The following CRACDL variants were observed in gnomAD, a reference collection of about 807,000 sequenced individuals.
CRACDL encodes the protein CRACD-like protein.
A neutral mutation model predicts 70.6 loss-of-function variants in CRACDL; 26 were observed. The observed-to-expected ratio is 0.37, with a 90% CI of 0.27 to 0.51. CRACDL has a LOEUF of 0.51. Among genes scored for constraint, CRACDL ranks in the 20% least tolerant of loss-of-function variants. The probability of loss-of-function intolerance (pLI) is 0.94; values close to 1 mark genes in which losing one functional copy is unlikely to be tolerated. For synonymous variants in CRACDL, 618 were observed against 615.2 expected, an observed-to-expected ratio of 1.00 and a Z score of -0.07; for missense variants, 1,283 against 1,376.9, an observed-to-expected ratio of 0.93 and a Z score of 1.08.
intron 1 of CRACDL, among the ~76,000 whole-genome samples, chr2:98,880,951 T>C (rs1186639947): frequency 6.6e-6 from 1 of 152,166 alleles, no homozygotes; most frequent in Admixed American, 6.5e-5. Flanking sequence ...CCCTTTTTAA[T>C]AGCTTGAGGG....
intron 1 of CRACDL, among the ~76,000 whole-genome samples, chr2:98,863,127 G>T (rs908712910): frequency 2.0e-5 from 3 of 152,050 alleles, no homozygotes; most frequent in Non-Finnish European, 2.9e-5. Flanking sequence ...GAAAGCCAAA[G>T]ACAGAAAATC....
chr2:98,929,252 T>C (rs192668291), intron 1 of CRACDL, among the ~76,000 whole-genome samples: 55 of 152,330 alleles, frequency 3.6e-4, no homozygotes, highest in Non-Finnish European at 6.9e-4. Context: ...TTCAGAGTGC[T>C]TGCGGTATTT....
chr2:98,869,062 C>T (rs941203513), intron 1 of CRACDL: 1 of 1,300,034 alleles, frequency 7.7e-7, no homozygotes, highest in Non-Finnish European at 1.0e-6. Flanking sequence ...CACCTCTTTG[C>T]TCTCAGAGGG....
In CRACDL at chr2:98,832,853, A is replaced by G; in HGVS notation, c.375+9T>C. On this transcript the variant is annotated intron_variant, in intron 4 of 9. Coordinates refer to ENST00000397899, the MANE Select transcript of CRACDL (RefSeq NM_207362.3). ...GCACACCAGGCGACATGACCAAGGA[A>G]ACATTTACCTGCAGAGCTTTAATCC... 1 of 1,613,546 alleles carries G rather than the reference A, an allele frequency of 6.2e-7. No homozygotes were observed. The highest frequency in any genetic ancestry group is 8.5e-7 in the Non-Finnish European group (1 of 1,179,856).
chr2:98,933,540 A>G (rs916221612), intron 1 of CRACDL, among the ~76,000 whole-genome samples: 4 of 152,162 alleles, frequency 2.6e-5, no homozygotes, highest in African/African-American at 9.7e-5. Flanking sequence ...CACTTACACA[A>G]AATTTTGCAC....
intron 1 of CRACDL, among the ~76,000 whole-genome samples, chr2:98,889,130 A>T (rs1256615946): frequency 4.0e-5 from 6 of 151,134 alleles, no homozygotes; most frequent in Non-Finnish European, 7.4e-5. Flanking sequence ...CTGTCAAAAA[A>T]AAAAGGGGGG....
intron 1 of CRACDL, among the ~76,000 whole-genome samples, chr2:98,900,237 GAGGCTCAGTAGGAGGGAAGGCAGGGGACA>G: frequency 7.9e-6 from 1 of 126,128 alleles, no homozygotes; most frequent in African/African-American, 3.1e-5. Context: ...GCAGGGGACA[GAGGCTCAGTAGGAGGGAAGGCAGGGGACA>G]GAGGCTCAGT....
rs70940126 is a variant in CRACDL, at chr2:98,812,711, G to GT, written c.2416+9145dup. Among the ~76,000 whole-genome samples the GT allele has an allele frequency of 6.7e-3, 936 of 139,482 alleles. 2 individuals are homozygous for GT. The highest frequency in any genetic ancestry group is 0.019 in the African/African-American group (715 of 38,278). The allele number at this position is 139,482 out of a possible 152,430, so 91.5% of individuals were successfully genotyped here. A position where few individuals can be genotyped will look rare whatever the true frequency, so the allele number is the denominator to read the frequency against. On this transcript the variant is annotated intron_variant, in intron 7 of 9. Transcript: ENST00000397899. ...TTTCTAATTGGTTTGCTGTTTTTTT[G>GT]TTTTTTTTTTTACTATTGACTTTAA...
In CRACDL at chr2:98,822,971, A is replaced by T. The variant is rs1038329063; in HGVS notation, c.1302T>A (p.Ser434Arg). Residue 434 changes from serine (S) to arginine (R), a missense_variant, in exon 7 of 10, where the codon AGT (serine) becomes AGA (arginine). By Grantham distance (110) the Ser-to-Arg change is moderately radical. Coordinates refer to ENST00000397899, the MANE Select transcript of CRACDL (RefSeq NM_207362.3). This position sits in a 1 kb window ranked among gnomAD's most constrained non-coding sequence, Gnocchi z 4.9. ...GCGTCGGCTCCGCTTCCTTCGGGAC[A>T]CTGCGTTCTGGCCCGTCGCGAGCAG... is the stretch of plus-strand genomic sequence containing the variant. ...APSARDGPER[S>R]VPKEAEPTPP... 4.0e-6 allele frequency: 6 copies of T among 1,483,076 alleles called. No homozygotes were observed. Among genetic ancestry groups the T allele is most frequent in the Non-Finnish European group, 5.4e-6 (6 of 1,118,884 alleles). The allele number at this position is 1,483,076 out of a possible 1,614,324, so 91.9% of individuals were successfully genotyped here. A position where few individuals can be genotyped will look rare whatever the true frequency, so the allele number is the denominator to read the frequency against.
intron 1 of CRACDL, among the ~76,000 whole-genome samples, chr2:98,916,355 G>A (rs1708665867): frequency 6.6e-6 from 1 of 152,170 alleles, no homozygotes; most frequent in Non-Finnish European, 1.5e-5. Context: ...GAGGGATTAT[G>A]GACGTGCATG....
At chr2:98,848,640 T>C (rs935207186) in intron 1 of CRACDL, among the ~76,000 whole-genome samples, 7 of 152,210 alleles carry the variant, frequency 4.6e-5, no homozygotes, top group African/African-American at 1.7e-4. Flanking sequence ...ATTTTGGAGA[T>C]GAGAACATTT....
At chr2:98,829,218 C>A (rs549066652) in intron 5 of CRACDL, among the ~76,000 whole-genome samples, 1 of 152,374 alleles carries the variant, frequency 6.6e-6, no homozygotes, top group East Asian at 1.9e-4. Context: ...GGCCGCCCTG[C>A]GTCTGTCCTG....
intron 2 of CRACDL, among the ~76,000 whole-genome samples, chr2:98,842,160 C>T (rs1706056633): frequency 6.6e-6 from 1 of 152,036 alleles, no homozygotes; most frequent in South Asian, 2.1e-4. Context: ...GTATTACACC[C>T]TTTCACTTAC....
intron 2 of CRACDL, among the ~76,000 whole-genome samples, chr2:98,844,436 T>C (rs529308062): frequency 1.3e-5 from 2 of 152,340 alleles, no homozygotes; most frequent in South Asian, 2.1e-4. Flanking sequence ...CATGTGTGCA[T>C]GGTGTTCTCC....
At chr2:98,871,639 T>C (rs1707349891) in intron 1 of CRACDL, among the ~76,000 whole-genome samples, 1 of 152,252 alleles carries the variant, frequency 6.6e-6, no homozygotes, top group Non-Finnish European at 1.5e-5. Context: ...CCTGCTGCTC[T>C]AGTAATTTCA....
chr2:98,907,542 C>T (rs1410876451), intron 1 of CRACDL, among the ~76,000 whole-genome samples: 1 of 152,176 alleles, frequency 6.6e-6, no homozygotes, highest in Non-Finnish European at 1.5e-5. Context: ...CTACCATCCC[C>T]GCAAGTTCCA....
intron 1 of CRACDL, among the ~76,000 whole-genome samples, chr2:98,924,466 A>G: frequency 6.6e-6 from 1 of 152,246 alleles, no homozygotes; most frequent in East Asian, 1.9e-4. Context: ...TTAAGTACCT[A>G]ACAGTGCATG....
At chr2:98,848,143 C>A (rs1357686832) in intron 1 of CRACDL, among the ~76,000 whole-genome samples, 1 of 152,194 alleles carries the variant, frequency 6.6e-6, no homozygotes, top group Non-Finnish European at 1.5e-5. Flanking sequence ...TTTTTCAAAT[C>A]CTTTACCACT....
intron 6 of CRACDL, 65 bp downstream of exon 6, chr2:98,826,910 G>T (rs1230238478): frequency 1.4e-5 from 18 of 1,285,142 alleles, no homozygotes; most frequent in Non-Finnish European, 1.8e-5. Flanking sequence ...GCAGGTTGGG[G>T]GGGGGCATAG....
Sources: gnomAD v4.1 joint callset for allele counts (sites outside exome capture counted in the v4.1 genomes callset) on GRCh38, gnomAD v4.1.1 for gene constraint, Gnocchi (gnomAD v3.1) non-coding constraint, MANE v1.5 for transcripts, NCBI Gene and HGNC (gene_info 2026-07-23, HGNC 2026-07-21) for gene names.